Variants in VWA8 observed in about 807,000 individuals in gnomAD.
VWA8 encodes von Willebrand factor A domain-containing protein 8.
In VWA8, 221 loss-of-function variants were observed where a neutral mutation model predicts 241.5. The ratio of observed to expected loss-of-function variants is 0.91; its 90% CI spans 0.82 to 1.02. The LOEUF is 1.02. Ranked by LOEUF, VWA8 falls within the 50% of genes least tolerant of loss-of-function variation. VWA8 has a pLI of 0.00. For synonymous variants in VWA8, 852 were observed against 827.1 expected (o/e 1.03, Z -0.52); for missense variants, 2,322 against 2,328.7 (o/e 1.00, Z 0.06).
intron 37 of VWA8, among the ~76,000 whole-genome samples, chr13:41,640,960 G>C (rs551751378): frequency 2.6e-5 from 4 of 152,144 alleles, no homozygotes; most frequent in South Asian, 4.1e-4. Flanking sequence ...AAACGAAGAG[G>C]ATGAGATAAA....
At chr13:41,809,816 C>G (rs1870384958) in intron 17 of VWA8, among the ~76,000 whole-genome samples, 1 of 152,106 alleles carries the variant, frequency 6.6e-6, no homozygotes, top group African/African-American at 2.4e-5. Context: ...AGTGAAGAGA[C>G]AACCCACAGA....
chr13:41,841,861 A>ATATG (rs1566478213), intron 12 of VWA8, among the ~76,000 whole-genome samples: 2 of 87,004 alleles, frequency 2.3e-5, no homozygotes, highest in South Asian at 3.6e-4. Flanking sequence ...ATATATATAA[A>ATATG]AACAGTAGAC....
chr13:41,691,513 C>A, intron 31 of VWA8, 68 bp from the exon 32 acceptor site: 1 of 1,556,830 alleles, frequency 6.4e-7, no homozygotes, highest in Non-Finnish European at 8.7e-7. Context: ...CTGGCATAAT[C>A]ATTTCATGAT....
At chr13:41,835,600 T>A (rs1424840793) in intron 12 of VWA8, among the ~76,000 whole-genome samples, 2 of 152,160 alleles carry the variant, frequency 1.3e-5, no homozygotes, top group Non-Finnish European at 2.9e-5. Context: ...CCACTCATGC[T>A]TATGCTACAG....
At chr13:41,738,740 A>C (rs4408442) in intron 21 of VWA8, among the ~76,000 whole-genome samples, 53,543 of 151,718 alleles carry the variant, frequency 0.35, 9,513 homozygotes, top group Admixed American at 0.37. Context: ...TTTTTCCTGA[A>C]TAAAAAGAAA....
At chr13:41,647,763 G>A (rs913508895) in intron 37 of VWA8, among the ~76,000 whole-genome samples, 1 of 152,200 alleles carries the variant, frequency 6.6e-6, no homozygotes, top group Non-Finnish European at 1.5e-5. Flanking sequence ...GCCGAGGTGG[G>A]TGGATCACTT....
intron 1 of VWA8, among the ~76,000 whole-genome samples, chr13:41,957,432 G>T (rs1223826924): frequency 6.6e-6 from 1 of 152,008 alleles, no homozygotes; most frequent in Non-Finnish European, 1.5e-5. Flanking sequence ...CCCAGTCTCT[G>T]GCATGTCCTT....
At chr13:41,705,188 CT>C (rs926750809) in intron 26 of VWA8, among the ~76,000 whole-genome samples, 1 of 150,910 alleles carries the variant, frequency 6.6e-6, no homozygotes. Flanking sequence ...CACACACACA[CT>C]TTTGAATCTA....
intron 2 of VWA8, among the ~76,000 whole-genome samples, chr13:41,916,697 T>C (rs1280117534): frequency 6.6e-6 from 1 of 152,168 alleles, no homozygotes; most frequent in Non-Finnish European, 1.5e-5. Flanking sequence ...GTGGTATCTG[T>C]GGTATATTTT....
intron 12 of VWA8, among the ~76,000 whole-genome samples, chr13:41,836,232 A>T (rs961532239): frequency 6.6e-6 from 1 of 152,212 alleles, no homozygotes; most frequent in Non-Finnish European, 1.5e-5. Context: ...AAAGTTAAAA[A>T]TAAGAGAAAA....
chr13:41,758,502 A>G lies in VWA8; in HGVS notation c.2426+2626T>C, dbSNP rs188121294. Among the ~76,000 whole-genome samples the G allele has an allele frequency of 8.1e-3, 1,157 of 143,508 alleles. 1 individual carries two copies. Among genetic ancestry groups the G allele is most frequent in the Middle Eastern group, 0.031 (8 of 254 alleles). 94.1% of individuals were successfully genotyped at this position (143,508 alleles called of 152,430 possible). A position where few individuals can be genotyped will look rare whatever the true frequency, so the allele number is the denominator to read the frequency against. ...ATGCCAGTATATATATTCCATATATATGGAATATATGGAATATATATATAT... is the reference window on the plus strand; with the variant it reads ...ATGCCAGTATATATATTCCATATATGTGGAATATATGGAATATATATATAT... On this transcript the variant is annotated intron_variant, in intron 21 of 44. Transcript: ENST00000379310.
At chr13:41,599,983 A>G (rs1292270372) in intron 40 of VWA8, among the ~76,000 whole-genome samples, 1 of 152,144 alleles carries the variant, frequency 6.6e-6, no homozygotes, top group Admixed American at 6.6e-5. Flanking sequence ...ATGGAGGTCA[A>G]GTGATCTGCT....
chr13:41,645,263 G>A (rs1455598163), intron 37 of VWA8, among the ~76,000 whole-genome samples: 4 of 152,140 alleles, frequency 2.6e-5, no homozygotes, highest in Admixed American at 6.5e-5. Flanking sequence ...GTACTGCTTA[G>A]TACAAAACAT....
intron 20 of VWA8, among the ~76,000 whole-genome samples, chr13:41,763,759 T>C (rs920946428): frequency 1.3e-5 from 2 of 152,174 alleles, no homozygotes; most frequent in Admixed American, 6.5e-5. Flanking sequence ...AGAAATGTCA[T>C]GAAAATGTGC....
At chr13:41,605,112 G>A in intron 40 of VWA8, 56 bp downstream of exon 40, 6 of 1,542,478 alleles carry the variant, frequency 3.9e-6, no homozygotes, top group South Asian at 3.4e-5. Context: ...AAGACTTTAG[G>A]AATGTGTCCA....
At chr13:41,923,915 T>G (rs1282963709) in intron 2 of VWA8, among the ~76,000 whole-genome samples, 1 of 152,114 alleles carries the variant, frequency 6.6e-6, no homozygotes, top group African/African-American at 2.4e-5. Context: ...AGCCACTCTG[T>G]AAAGTTTGGA....
In VWA8 at chr13:41,960,935, C is replaced by T; in HGVS notation, c.81G>A (p.Arg27=). 1 of 1,489,088 alleles carries T rather than the reference C, an allele frequency of 6.7e-7. No homozygotes were observed. The allele number at this position is 1,489,088 out of a possible 1,614,324, so 92.2% of individuals were successfully genotyped here. ...PASRRMRLLL[R]QVVQRRPGGD... ...CACCCGGCCTGCGCTGCACCACCTG[C>T]CGCAGGAGCAGCCGCATGCGCCGCG... The change falls in exon 1 of 45, where the codon CGG becomes CGA. Residue 27 remains arginine, a synonymous_variant. Transcript: ENST00000379310.
At chr13:41,720,173 A>C (rs370799267) in intron 25 of VWA8, among the ~76,000 whole-genome samples, 1 of 152,172 alleles carries the variant, frequency 6.6e-6, no homozygotes, top group African/African-American at 2.4e-5. Context: ...AAGATAAAGC[A>C]ACAAGAAAAG....
Position 41,567,988 on chromosome 13 carries a change from C to G in VWA8, c.*209G>C. 1.8e-6 allele frequency: 1 copy of G among 550,520 alleles called. No individual in the cohort carries two copies. Among genetic ancestry groups the G allele is most frequent in the Non-Finnish European group, 3.2e-6 (1 of 311,374 alleles). 34.1% of individuals were successfully genotyped at this position (550,520 alleles called of 1,614,324 possible). On this transcript the variant is annotated 3_prime_UTR_variant, in exon 45 of 45. Coordinates refer to ENST00000379310, the MANE Select transcript of VWA8 (RefSeq NM_015058.2). Reference sequence around the variant, plus strand: ...AGCTTGCCCTAATCACTTCTAAACTCATCAGTGGAGTATCTTTCCATGTTT... The same window carrying G: ...AGCTTGCCCTAATCACTTCTAAACTGATCAGTGGAGTATCTTTCCATGTTT...
Sources: allele counts gnomAD v4.1 joint callset (sites outside exome capture counted in the v4.1 genomes callset), GRCh38; gene constraint gnomAD v4.1.1; transcripts MANE v1.5; gene names NCBI Gene and HGNC (gene_info 2026-07-23, HGNC 2026-07-21).